Variants in CAPZB observed in about 807,000 individuals in gnomAD.
CAPZB encodes capping actin protein of muscle Z-line subunit beta, also known as F-actin-capping protein subunit beta.
A neutral mutation model predicts 38.1 loss-of-function variants in CAPZB; 2 were observed. The ratio of observed to expected loss-of-function variants is 0.05; its 90% CI spans 0.02 to 0.17. The LOEUF (loss-of-function observed/expected upper bound fraction) is 0.17, where lower values mean the gene tolerates loss of function less well. Among genes scored for constraint, CAPZB ranks in the 10% least tolerant of loss-of-function variants. The pLI is 1.00. For missense variants in CAPZB, 161 were observed against 334.2 expected (o/e 0.48, Z 4.04); for synonymous variants, 107 against 127.4 (o/e 0.84, Z 1.08).
chr1:19,360,132 G>C (rs1228401374), intron 4 of CAPZB, among the ~76,000 whole-genome samples: 1 of 152,190 alleles, frequency 6.6e-6, no homozygotes, highest in East Asian at 1.9e-4. Context: ...CATGGGCTCC[G>C]TGAGCCTTTC....
rs1265108627 is a variant in CAPZB at position 19,356,854 on chromosome 1, A to G, written c.472-103T>C. On this transcript the variant is annotated intron_variant, in intron 5 of 8. Transcript: ENST00000264202. The surrounding 1 kb of genome is among the most constrained non-coding windows in gnomAD (Gnocchi z 4.3). ...TCTCCCTTCCTAGGTCATTATCACA[A>G]TATTACCTTTTTTTTTTTTAAATTG... The G allele has an allele frequency of 2.7e-6, 2 of 729,220 alleles. No individual in the cohort carries two copies. Among genetic ancestry groups the G allele is most frequent in the Admixed American group, 2.3e-5 (1 of 43,486 alleles). 45.2% of individuals were successfully genotyped at this position (729,220 alleles called of 1,614,324 possible). A position where few individuals can be genotyped will look rare whatever the true frequency, so the allele number is the denominator to read the frequency against.
intron 1 of CAPZB, among the ~76,000 whole-genome samples, chr1:19,446,718 A>G (rs2094497190): frequency 6.6e-6 from 1 of 152,210 alleles, no homozygotes; most frequent in African/African-American, 2.4e-5. Flanking sequence ...ACGTGGGAAA[A>G]TGTTTTATGT....
chr1:19,466,021 G>GT (rs2094567939), intron 1 of CAPZB, among the ~76,000 whole-genome samples: 1 of 152,166 alleles, frequency 6.6e-6, no homozygotes, highest in Non-Finnish European at 1.5e-5. Context: ...AGCTAAAAGT[G>GT]TAAGGGAACA....
At chr1:19,412,850 A>C (rs1392504168) in intron 2 of CAPZB, among the ~76,000 whole-genome samples, 1 of 152,186 alleles carries the variant, frequency 6.6e-6, no homozygotes, top group Admixed American at 6.5e-5. Flanking sequence ...TTTATGAGTA[A>C]GTAAAAACAA....
chr1:19,342,677 C>G, intron 8 of CAPZB: 1 of 917,248 alleles, frequency 1.1e-6, no homozygotes. Context: ...GAGCAGCAGC[C>G]GGACCGGCAG....
At chr1:19,363,260 ATTTT>A (rs10641267) in intron 4 of CAPZB, among the ~76,000 whole-genome samples, 1 of 123,150 alleles carries the variant, frequency 8.1e-6, no homozygotes, top group Non-Finnish European at 1.6e-5. Flanking sequence ...TAAAAAAAAA[ATTTT>A]TTTTTTTTTT....
chr1:19,423,599 A>G (rs1463749781), intron 1 of CAPZB, among the ~76,000 whole-genome samples: 1 of 141,436 alleles, frequency 7.1e-6, no homozygotes, highest in Non-Finnish European at 1.5e-5. Flanking sequence ...AGCTCAGCTC[A>G]CTGCAACCTC....
At chr1:19,444,135 G>A (rs1196238562) in intron 1 of CAPZB, among the ~76,000 whole-genome samples, 2 of 151,924 alleles carry the variant, frequency 1.3e-5, no homozygotes, top group South Asian at 2.1e-4. Context: ...TCCAGCCGGG[G>A]CAACAGAGCC....
chr1:19,379,484 T>C (rs1433787011), intron 3 of CAPZB, among the ~76,000 whole-genome samples: 4 of 152,188 alleles, frequency 2.6e-5, no homozygotes. Context: ...AAGACCTTCT[T>C]ACATAGTAAG....
intron 3 of CAPZB, among the ~76,000 whole-genome samples, chr1:19,379,768 G>C (rs1336711035): frequency 6.6e-6 from 1 of 152,166 alleles, no homozygotes; most frequent in African/African-American, 2.4e-5. Flanking sequence ...GGGGTTATAA[G>C]GGAAAGATCT....
At chr1:19,387,210 T>A (rs1346641562) in intron 2 of CAPZB, among the ~76,000 whole-genome samples, 1 of 152,130 alleles carries the variant, frequency 6.6e-6, no homozygotes, top group Non-Finnish European at 1.5e-5. Context: ...AAGCAAGCAG[T>A]GGAGACAGAA....
intron 2 of CAPZB, among the ~76,000 whole-genome samples, chr1:19,386,283 A>G (rs1039658963): frequency 6.6e-6 from 1 of 152,182 alleles, no homozygotes; most frequent in Admixed American, 6.5e-5. Context: ...CTCTGGGCCA[A>G]TGTTGCGACT....
At chr1:19,453,489 G>A (rs1390915084) in intron 1 of CAPZB, among the ~76,000 whole-genome samples, 1 of 152,102 alleles carries the variant, frequency 6.6e-6, no homozygotes, top group Non-Finnish European at 1.5e-5. Flanking sequence ...TCGAACTCCT[G>A]ACCTCAGGTG....
At chr1:19,455,121 A>AC (rs1053354209) in intron 1 of CAPZB, among the ~76,000 whole-genome samples, 1 of 152,216 alleles carries the variant, frequency 6.6e-6, no homozygotes, top group African/African-American at 2.4e-5. Flanking sequence ...GCTCTGAGAC[A>AC]CCCCCAGGAG....
At chr1:19,369,332 G>T (rs1032075170) in intron 4 of CAPZB, among the ~76,000 whole-genome samples, 1 of 152,226 alleles carries the variant, frequency 6.6e-6, no homozygotes, top group Non-Finnish European at 1.5e-5. Flanking sequence ...GAAACGCACT[G>T]CGAGAGCAGG....
chr1:19,391,012 A>C (rs1205816807), intron 2 of CAPZB, among the ~76,000 whole-genome samples: 1 of 152,204 alleles, frequency 6.6e-6, no homozygotes, highest in Non-Finnish European at 1.5e-5. Context: ...GAGGAAGGAC[A>C]TGCAGTTATA....
At chr1:19,402,223 G>C (rs1409854989) in intron 2 of CAPZB, among the ~76,000 whole-genome samples, 1 of 152,204 alleles carries the variant, frequency 6.6e-6, no homozygotes, top group Non-Finnish European at 1.5e-5. Flanking sequence ...GAGAACACCT[G>C]AATGGTCTGA....
chr1:19,413,878 A>C (rs2094367927), intron 2 of CAPZB, among the ~76,000 whole-genome samples: 1 of 152,066 alleles, frequency 6.6e-6, no homozygotes, highest in Non-Finnish European at 1.5e-5. Flanking sequence ...GTTTTGCTTC[A>C]CTCCACACAG....
chr1:19,365,492 G>A (rs1317093735), intron 4 of CAPZB, among the ~76,000 whole-genome samples: 1 of 152,196 alleles, frequency 6.6e-6, no homozygotes, highest in Non-Finnish European at 1.5e-5. Flanking sequence ...CACCAGGAAG[G>A]AGGGCTCTGG....
Sources: gnomAD v4.1 joint callset for allele counts (sites outside exome capture counted in the v4.1 genomes callset) on GRCh38, gnomAD v4.1.1 for gene constraint, Gnocchi (gnomAD v3.1) non-coding constraint, MANE v1.5 for transcripts, NCBI Gene and HGNC (gene_info 2026-07-23, HGNC 2026-07-21) for gene names.